MAP6: variants seen among roughly 807,000 people sequenced by gnomAD.
MAP6 encodes the protein microtubule-associated protein 6.
A neutral mutation model predicts 42.4 loss-of-function variants in MAP6; 26 were observed. The observed-to-expected ratio is 0.61, with a 90% CI of 0.45 to 0.85. The LOEUF is 0.85. Ranked by LOEUF, MAP6 falls within the 40% of genes least tolerant of loss-of-function variation. The pLI is 0.00. For synonymous variants in MAP6, 418 were observed against 443.8 expected (o/e 0.94, Z 0.73); for missense variants, 966 against 1,099.0 (o/e 0.88, Z 1.71).
intron 3 of MAP6, chr11:75,603,563 G>A: frequency 1.0e-6 from 1 of 969,068 alleles, no homozygotes. Flanking sequence ...AGCCTTGGGT[G>A]AGGGTAGGAA....
intron 1 of MAP6, among the ~76,000 whole-genome samples, chr11:75,666,597 C>G (rs1252936395): frequency 6.6e-6 from 1 of 152,176 alleles, no homozygotes; most frequent in Non-Finnish European, 1.5e-5. Flanking sequence ...AGGAATGGAA[C>G]CAAGATGTAC....
chr11:75,613,562 G>A (rs926473755), intron 1 of MAP6, among the ~76,000 whole-genome samples: 3 of 152,058 alleles, frequency 2.0e-5, no homozygotes, highest in African/African-American at 7.2e-5. Context: ...CAGGGACAGG[G>A]TGCTCTCTAA....
At position 75,587,352 on chromosome 11, in the gene MAP6, C is replaced by T. The variant is rs1942373617; in HGVS notation, c.2149G>A (p.Asp717Asn). Reference sequence around the variant, plus strand: ...TTAACTAGTACTGGGAGAATGGGGTCTTGATTCTTCACGGACTCGGGGACC... The same window carrying T: ...TTAACTAGTACTGGGAGAATGGGGTTTTGATTCTTCACGGACTCGGGGACC... ...PVVPESVKNQ[D>N]PILPVLVKDQ... The change falls in exon 4 of 4, where the codon GAC (aspartate) becomes AAC (asparagine). Residue 717 changes from aspartate (D) to asparagine (N), a missense_variant. By Grantham distance (23) the Asp-to-Asn change is conservative. This residue lies in a region of MAP6 where 943 missense variants were observed against 1,049.9 expected (regional missense o/e 0.90). Coordinates refer to ENST00000304771, the MANE Select transcript of MAP6 (RefSeq NM_033063.2). The T allele has an allele frequency of 6.2e-7, 1 of 1,613,972 alleles. No individual in the cohort carries two copies. The highest frequency in any genetic ancestry group is 8.5e-7 in the Non-Finnish European group (1 of 1,180,018).
At chr11:75,629,954 C>T (rs947843091) in intron 1 of MAP6, among the ~76,000 whole-genome samples, 4 of 152,184 alleles carry the variant, frequency 2.6e-5, no homozygotes, top group Non-Finnish European at 5.9e-5. Context: ...CTAATATCCA[C>T]CACAATAAGT....
chr11:75,592,986 T>C (rs1942507427), intron 3 of MAP6, among the ~76,000 whole-genome samples: 1 of 152,220 alleles, frequency 6.6e-6, no homozygotes, highest in African/African-American at 2.4e-5. Context: ...GGCTAGTGTT[T>C]ACTCAGCTGT....
At chr11:75,659,266 G>A (rs1283771632) in intron 1 of MAP6, among the ~76,000 whole-genome samples, 2 of 152,178 alleles carry the variant, frequency 1.3e-5, no homozygotes, top group African/African-American at 4.8e-5. Flanking sequence ...GGGATCACCC[G>A]AGGTCAGGAG....
rs775931919 is a variant in MAP6, at chr11:75,667,452, G to A, written c.905+13C>T. 3 of 1,472,018 alleles carry A rather than the reference G, an allele frequency of 2.0e-6. No individual in the cohort carries two copies. Among genetic ancestry groups the A allele is most frequent in the Non-Finnish European group, 1.8e-6 (2 of 1,118,874 alleles). The allele number at this position is 1,472,018 out of a possible 1,614,324, so 91.2% of individuals were successfully genotyped here. On this transcript the variant is annotated intron_variant, in intron 1 of 3. Coordinates refer to ENST00000304771, the MANE Select transcript of MAP6 (RefSeq NM_033063.2). This position sits in a 1 kb window ranked among gnomAD's most constrained non-coding sequence, Gnocchi z 5.6. ...GTGGTGACTCCCCCGCGCTAGCAGC[G>A]GCCGCGTCTCACCTGTAGGAGCTGC...
chr11:75,616,743 A>G (rs1173402275), intron 1 of MAP6, among the ~76,000 whole-genome samples: 1 of 152,238 alleles, frequency 6.6e-6, no homozygotes, highest in East Asian at 1.9e-4. Flanking sequence ...GTATGTGTAC[A>G]TGCTTGTGCG....
intron 1 of MAP6, among the ~76,000 whole-genome samples, chr11:75,620,547 A>T (rs1436484667): frequency 1.3e-5 from 2 of 152,044 alleles, no homozygotes; most frequent in African/African-American, 4.8e-5. Context: ...TTCTCAACTC[A>T]TTTTAAGAGG....
At chr11:75,643,855 G>C (rs1040756723) in intron 1 of MAP6, among the ~76,000 whole-genome samples, 5 of 152,182 alleles carry the variant, frequency 3.3e-5, no homozygotes, top group African/African-American at 1.2e-4. Context: ...TTAAGGAGGA[G>C]AGCTGGGATT....
chr11:75,616,051 C>A (rs1942989461), intron 1 of MAP6, among the ~76,000 whole-genome samples: 1 of 152,244 alleles, frequency 6.6e-6, no homozygotes. Flanking sequence ...AAAACGCTGA[C>A]ATTTACAAGA....
At chr11:75,642,417 T>C (rs1943487438) in intron 1 of MAP6, among the ~76,000 whole-genome samples, 1 of 152,252 alleles carries the variant, frequency 6.6e-6, no homozygotes, top group Non-Finnish European at 1.5e-5. Flanking sequence ...ATTGAGGAAC[T>C]ACATTTCCAA....
chr11:75,603,396 G>A (rs1293597624), intron 3 of MAP6: 4 of 985,726 alleles, frequency 4.1e-6, no homozygotes, highest in Non-Finnish European at 4.8e-6. Flanking sequence ...GACTGGCTGA[G>A]TTTTATTTGT....
chr11:75,596,286 A>G (rs1942577645), intron 3 of MAP6: 1 of 152,238 alleles, frequency 6.6e-6, no homozygotes, highest in African/African-American at 2.4e-5. Flanking sequence ...ACCTTAATGG[A>G]GGAGCTCTTT....
At position 75,667,547 on chromosome 11, in the gene MAP6, C is replaced by A; in HGVS notation, c.823G>T (p.Ala275Ser). 1.3e-6 allele frequency: 2 copies of A among 1,487,606 alleles called. No homozygotes were observed. Among genetic ancestry groups the A allele is most frequent in the South Asian group, 1.3e-5 (1 of 79,306 alleles). The allele number at this position is 1,487,606 out of a possible 1,614,324, so 92.2% of individuals were successfully genotyped here. A position where few individuals can be genotyped will look rare whatever the true frequency, so the allele number is the denominator to read the frequency against. Residue 275 changes from alanine to serine, a missense_variant, in exon 1 of 4, where the codon GCT becomes TCT. Ala to Ser is a moderately conservative substitution (Grantham distance 99, BLOSUM62 1). Around this residue, in one of 2 missense-constraint regions of MAP6, gnomAD observed 943 missense variants for 1,049.9 expected, o/e 0.90. Coordinates refer to ENST00000304771, the MANE Select transcript of MAP6 (RefSeq NM_033063.2). This position sits in a 1 kb window ranked among gnomAD's most constrained non-coding sequence, Gnocchi z 5.6. ...QAQVQATGPE[A>S]GRGRAAADAL... ...TCCGCCGCGGCGCGCCCCCTGCCAG[C>A]CTCGGGGCCGGTGGCCTGGACCTGG...
At chr11:75,600,155 G>A (rs73505054) in intron 3 of MAP6, among the ~76,000 whole-genome samples, 2,288 of 152,226 alleles carry the variant, frequency 0.015, 76 homozygotes, top group African/African-American at 0.053. Flanking sequence ...GGGGAAGGGC[G>A]TGAAGTGACA....
At chr11:75,644,096 G>A (rs564567903) in intron 1 of MAP6, among the ~76,000 whole-genome samples, 3 of 152,174 alleles carry the variant, frequency 2.0e-5, no homozygotes, top group African/African-American at 7.2e-5. Context: ...CAATCTGCTC[G>A]GGAGTGCTAA....
chr11:75,668,157 T>C lies in MAP6; in HGVS notation c.213A>G (p.Pro71=). The C allele has an allele frequency of 8.3e-6, 10 of 1,209,964 alleles. No homozygotes were observed. In the South Asian group the frequency reaches 3.3e-4, roughly 40 times the overall value. 75.0% of individuals were successfully genotyped at this position (1,209,964 alleles called of 1,614,324 possible). ...SARAVAIETQ[P]AQGELDAVAR... The stretch of plus-strand genomic sequence containing the variant: ...CAACTGCATCCAACTCGCCCTGGGC[T>C]GGCTGCGTCTCTATGGCAACCGCGC... The change falls in exon 1 of 4, where the codon CCA becomes CCG. Residue 71 remains proline, a synonymous_variant. Transcript: ENST00000304771.
intron 3 of MAP6, chr11:75,604,227 G>A (rs961662562): frequency 4.2e-5 from 41 of 985,672 alleles, no homozygotes; most frequent in African/African-American, 1.4e-4. Flanking sequence ...AGCACACGCC[G>A]AATTAATTTA....
Sources: gnomAD v4.1 joint callset for allele counts (sites outside exome capture counted in the v4.1 genomes callset) on GRCh38, gnomAD v4.1.1 for gene constraint, gnomAD v4.1.1 regional missense constraint, Gnocchi (gnomAD v3.1) non-coding constraint, MANE v1.5 for transcripts, NCBI Gene and HGNC (gene_info 2026-07-23, HGNC 2026-07-21) for gene names.